Variants in LRRIQ1 observed in about 807,000 individuals in gnomAD.
The protein encoded by LRRIQ1 is leucine-rich repeat- and IQ domain-containing protein 1.
Under a neutral mutation model 211.9 loss-of-function variants are expected in LRRIQ1, and 210 were observed. That is an observed-to-expected ratio of 0.99 (90% CI 0.89 to 1.11). LRRIQ1 has a LOEUF of 1.11. Among genes scored for constraint, LRRIQ1 ranks in the 50% most tolerant of loss-of-function variants. The pLI, the probability that LRRIQ1 is intolerant of heterozygous loss-of-function variation, is 0.00. For missense variants in LRRIQ1, 2,136 were observed against 1,939.5 expected (o/e 1.10, Z -1.90); for synonymous variants, 699 against 650.1 (o/e 1.08, Z -1.14).
chr12:85,270,570 C>A, the LRRIQ1 span, among the ~76,000 whole-genome samples: 1 of 152,084 alleles, frequency 6.6e-6, no homozygotes, highest in African/African-American at 2.4e-5. Flanking sequence ...ATAGTTGAAT[C>A]TGTTTCTGCT....
intron 17 of LRRIQ1, among the ~76,000 whole-genome samples, chr12:85,127,282 G>A (rs1888435061): frequency 6.6e-6 from 1 of 152,190 alleles, no homozygotes; most frequent in South Asian, 2.1e-4. Flanking sequence ...AATAGATGTG[G>A]ACCAGAAAAA....
At chr12:85,048,558 C>CAAAAAAAAAAAAAAA (rs35906760) in intron 6 of LRRIQ1, 2 of 77,954 alleles carry the variant, frequency 2.6e-5, no homozygotes, top group African/African-American at 1.1e-4. Context: ...GACTCCGTCT[C>CAAAAAAAAAAAAAAA]AAAAAAAAAA....
chr12:85,078,738 A>G (rs1883944036), intron 11 of LRRIQ1, among the ~76,000 whole-genome samples: 2 of 152,144 alleles, frequency 1.3e-5, no homozygotes, highest in Admixed American at 1.3e-4. Flanking sequence ...TTTATTTTAG[A>G]TGCAGGACTG....
chr12:85,065,385 T>C lies in LRRIQ1; in HGVS notation c.2515T>C (p.Cys839Arg). The C allele has an allele frequency of 6.2e-7, 1 of 1,609,710 alleles. No homozygotes were observed. Residue 839 changes from cysteine to arginine, a missense_variant, in exon 9 of 27, where the codon TGT (cysteine) becomes CGT (arginine). Cys to Arg is a radical substitution (Grantham distance 180). Transcript: ENST00000393217. ...GLTSLHSLSN[C>R]KKLKYIDAQE... is the part of the protein sequence containing the mutation. ...AACTTCTTTGCACAGCCTGAGTAAT[T>C]GTAAAAAACTTAAGTACATTGATGC...
At chr12:85,193,066 T>C (rs1339664407) in intron 24 of LRRIQ1, among the ~76,000 whole-genome samples, 1 of 115,416 alleles carries the variant, frequency 8.7e-6, no homozygotes, top group Non-Finnish European at 1.7e-5. Flanking sequence ...ATAAATATTA[T>C]ATTATATTTT....
At chr12:85,087,549 C>A (rs1439297597) in intron 11 of LRRIQ1, among the ~76,000 whole-genome samples, 2 of 152,206 alleles carry the variant, frequency 1.3e-5, no homozygotes, top group African/African-American at 4.8e-5. Context: ...AACTAGTTTA[C>A]AGTCCCACCA....
intron 13 of LRRIQ1, 33 bp downstream of exon 13, chr12:85,099,027 A>G (rs751948397): frequency 7.1e-7 from 1 of 1,418,238 alleles, no homozygotes; most frequent in Non-Finnish European, 9.6e-7. Flanking sequence ...AATTCAGTGA[A>G]TGATTGTTTA....
chr12:85,061,603 AATAAT>A (rs1481403838), intron 8 of LRRIQ1, among the ~76,000 whole-genome samples: 5 of 151,806 alleles, frequency 3.3e-5, no homozygotes, highest in African/African-American at 1.2e-4. Context: ...AATCACACTG[AATAAT>A]ATAAATTATA....
intron 24 of LRRIQ1, among the ~76,000 whole-genome samples, chr12:85,192,033 T>C (rs1173603695): frequency 1.3e-5 from 2 of 151,890 alleles, no homozygotes; most frequent in Non-Finnish European, 2.9e-5. Flanking sequence ...TACATGCAGA[T>C]TTGTTACAAA....
chr12:85,053,745 T>C (rs1010587129), intron 7 of LRRIQ1, among the ~76,000 whole-genome samples: 2 of 152,218 alleles, frequency 1.3e-5, no homozygotes, highest in African/African-American at 4.8e-5. Context: ...TCTCGCTCCG[T>C]CGCCCAGGCT....
At chr12:85,049,474 T>TTA (rs1880039833) in intron 6 of LRRIQ1, among the ~76,000 whole-genome samples, 1 of 152,142 alleles carries the variant, frequency 6.6e-6, no homozygotes, top group African/African-American at 2.4e-5. Flanking sequence ...ACTTTATATT[T>TTA]TATCAGTTTT....
chr12:85,207,506 C>T (rs1177201811), intron 24 of LRRIQ1, among the ~76,000 whole-genome samples: 4 of 152,166 alleles, frequency 2.6e-5, no homozygotes, highest in Non-Finnish European at 4.4e-5. Flanking sequence ...GTCTTTCACA[C>T]AGAAGCATTT....
At chr12:85,160,920 T>G (rs1315257728) in intron 24 of LRRIQ1, among the ~76,000 whole-genome samples, 3 of 152,048 alleles carry the variant, frequency 2.0e-5, no homozygotes, top group African/African-American at 4.8e-5. Flanking sequence ...CATTGAAAAT[T>G]TGTATCAATG....
chr12:85,037,406 T>G (rs1361700210), intron 1 of LRRIQ1, among the ~76,000 whole-genome samples: 1 of 152,198 alleles, frequency 6.6e-6, no homozygotes, highest in Non-Finnish European at 1.5e-5. Context: ...TTCCTTCTAA[T>G]AAAGCTTTTT....
At chr12:85,058,076 G>C (rs1881338256) in intron 8 of LRRIQ1, among the ~76,000 whole-genome samples, 1 of 151,934 alleles carries the variant, frequency 6.6e-6, no homozygotes, top group Admixed American at 6.6e-5. Flanking sequence ...AGAAAACCCA[G>C]TCTTTTACGG....
chr12:85,125,336 A>G (rs1259729219), intron 17 of LRRIQ1, among the ~76,000 whole-genome samples: 3 of 152,172 alleles, frequency 2.0e-5, no homozygotes, highest in Admixed American at 6.6e-5. Context: ...AGGTAGGGCA[A>G]TATTCTGTAT....
rs200712544 is a variant in LRRIQ1 at position 85,065,426 on chromosome 12, G to T, written c.2544+12G>T. Reference sequence around the variant, plus strand: ...ACATTGATGCACAGGTATGCTCTCTGCCCTACTGTTATTTATTTTATAATA... The same window carrying T: ...ACATTGATGCACAGGTATGCTCTCTTCCCTACTGTTATTTATTTTATAATA... On this transcript the variant is annotated intron_variant, in intron 9 of 26. Transcript: ENST00000393217. The T allele has an allele frequency of 5.2e-6, 8 of 1,552,508 alleles. No individual in the cohort carries two copies. The highest frequency in any genetic ancestry group is 1.4e-5 in the African/African-American group (1 of 71,708).
At chr12:85,193,051 A>C in intron 24 of LRRIQ1, among the ~76,000 whole-genome samples, 1 of 112,396 alleles carries the variant, frequency 8.9e-6, no homozygotes, top group South Asian at 2.4e-4. Context: ...TATAATAAAT[A>C]TAATATAAAT....
chr12:85,164,542 T>C (rs1014785214), intron 24 of LRRIQ1, among the ~76,000 whole-genome samples: 5 of 152,224 alleles, frequency 3.3e-5, no homozygotes, highest in Non-Finnish European at 5.9e-5. Flanking sequence ...TTTAAAAGTA[T>C]GGCATCCCTT....
Sources: allele counts gnomAD v4.1 joint callset (sites outside exome capture counted in the v4.1 genomes callset), GRCh38; gene constraint gnomAD v4.1.1; transcripts MANE v1.5; gene names NCBI Gene and HGNC (gene_info 2026-07-23, HGNC 2026-07-21).